Variants in NMRK1 observed in about 807,000 individuals in gnomAD.
NMRK1 encodes NRK 1.
A neutral mutation model predicts 29.9 loss-of-function variants in NMRK1; 28 were observed. That is an observed-to-expected ratio of 0.94 (90% CI 0.69 to 1.28). NMRK1 has a LOEUF of 1.28. Ranked by LOEUF, NMRK1 falls within the 50% of genes most tolerant of loss-of-function variation. The probability of loss-of-function intolerance (pLI) is 0.00; values close to 1 mark genes in which losing one functional copy is unlikely to be tolerated. For missense variants in NMRK1, 218 were observed against 233.1 expected, an observed-to-expected ratio of 0.94 and a Z score of 0.42; for synonymous variants, 58 against 73.0, an observed-to-expected ratio of 0.79 and a Z score of 1.05.
chr9:75,071,739 A>AGAGG (rs1823711033), intron 4 of NMRK1, among the ~76,000 whole-genome samples: 1 of 152,160 alleles, frequency 6.6e-6, no homozygotes, highest in South Asian at 2.1e-4. Flanking sequence ...CATTGTGAGA[A>AGAGG]GAGGGCGTCA....
intron 4 of NMRK1, among the ~76,000 whole-genome samples, chr9:75,070,308 A>G (rs1823627211): frequency 6.6e-6 from 1 of 152,200 alleles, no homozygotes; most frequent in African/African-American, 2.4e-5. Context: ...CAGCTCTGAT[A>G]ATCAGAAACC....
At chr9:75,074,530 G>A (rs1429227070) in intron 4 of NMRK1, among the ~76,000 whole-genome samples, 5 of 151,930 alleles carry the variant, frequency 3.3e-5, no homozygotes, top group Admixed American at 6.6e-5. Context: ...GGGACCACAG[G>A]TGCGCACCAC....
At chr9:75,061,712 T>C (rs879429295) in intron 8 of NMRK1, 145 bp from the exon 9 acceptor site, 5 of 647,864 alleles carry the variant, frequency 7.7e-6, no homozygotes, top group South Asian at 1.9e-5. Context: ...AAGAACTAAA[T>C]TGAGTCCAAG....
chr9:75,062,687 A>G (rs1823092022), intron 8 of NMRK1, among the ~76,000 whole-genome samples: 1 of 152,192 alleles, frequency 6.6e-6, no homozygotes, highest in South Asian at 2.1e-4. Context: ...TGTTAACACT[A>G]ATGATTGGAG....
intron 6 of NMRK1, 96 bp from the exon 7 acceptor site, chr9:75,069,198 C>G (rs1823549746): frequency 1.5e-5 from 13 of 844,636 alleles, no homozygotes; most frequent in Non-Finnish European, 2.5e-5. Flanking sequence ...CACTCAGAGG[C>G]TGAATCTAAA....
intron 4 of NMRK1, among the ~76,000 whole-genome samples, chr9:75,070,671 T>C (rs530186308): frequency 1.3e-5 from 2 of 152,336 alleles, no homozygotes; most frequent in African/African-American, 4.8e-5. Context: ...TTGTCAGAAA[T>C]GCAAATTCTC....
At chr9:75,068,076 C>T (rs1823469576) in intron 7 of NMRK1, among the ~76,000 whole-genome samples, 1 of 152,176 alleles carries the variant, frequency 6.6e-6, no homozygotes, top group Non-Finnish European at 1.5e-5. Flanking sequence ...TCCTCCCTTA[C>T]AGGTCTGCAA....
chr9:75,064,930 T>C (rs959239118), intron 8 of NMRK1, among the ~76,000 whole-genome samples: 1 of 152,228 alleles, frequency 6.6e-6, no homozygotes. Flanking sequence ...TACAGTTTTG[T>C]CCCTTAAGCA....
intron 6 of NMRK1, 118 bp from the exon 7 acceptor site, chr9:75,069,220 C>T: frequency 1.6e-6 from 1 of 630,476 alleles, no homozygotes. Context: ...AGGATTAGGA[C>T]TACATGTACT....
At chr9:75,063,336 T>A (rs1587350856) in intron 8 of NMRK1, among the ~76,000 whole-genome samples, 4 of 144,220 alleles carry the variant, frequency 2.8e-5, no homozygotes, top group African/African-American at 5.1e-5. Context: ...AAAAAAAGAC[T>A]CCATATGAGA....
At chr9:75,082,645 G>T (rs1383031322) in intron 2 of NMRK1, 1 of 162,246 alleles carries the variant, frequency 6.2e-6, no homozygotes, top group Non-Finnish European at 1.3e-5. Flanking sequence ...GGCAACATGG[G>T]ACATAAGGCC....
At chr9:75,078,379 G>A in intron 2 of NMRK1, 1 of 1,568,520 alleles carries the variant, frequency 6.4e-7, no homozygotes, top group Non-Finnish European at 8.7e-7. Context: ...CTCTCCACCT[G>A]GGGGCCAGCT....
At chr9:75,076,660 G>A (rs756446216) in intron 4 of NMRK1, among the ~76,000 whole-genome samples, 6 of 152,062 alleles carry the variant, frequency 3.9e-5, no homozygotes, top group South Asian at 2.1e-4. Context: ...GTGCGATCTC[G>A]GTTCACTGCA....
rs563628476 is a variant in NMRK1, at chr9:75,079,534, G to A, written c.30-1954C>T. On this transcript the variant is annotated intron_variant, in intron 2 of 8. Coordinates refer to ENST00000361092, the MANE Select transcript of NMRK1 (RefSeq NM_017881.3). Reference sequence around the variant, plus strand: ...TCTCACTGACTTAGCTAAAGCTAATGAGAAATACACACCCCATTTTTGCAC... The same window carrying A: ...TCTCACTGACTTAGCTAAAGCTAATAAGAAATACACACCCCATTTTTGCAC... 1.1e-4 allele frequency among the ~76,000 whole-genome samples: 16 copies of A among 152,310 alleles called. No homozygotes were observed. The South Asian group carries it at 3.3e-3, about 32-fold the overall frequency.
At chr9:75,074,253 G>A (rs921289114) in intron 4 of NMRK1, among the ~76,000 whole-genome samples, 1 of 150,664 alleles carries the variant, frequency 6.6e-6, no homozygotes, top group Admixed American at 6.6e-5. Context: ...GGAGCTTATT[G>A]TTGGCTTAAA....
chr9:75,080,888 G>A (rs1191243726), intron 2 of NMRK1, among the ~76,000 whole-genome samples: 2 of 152,104 alleles, frequency 1.3e-5, no homozygotes, highest in Admixed American at 1.3e-4. Context: ...ATGACTGTAA[G>A]CTTCCTGAGG....
intron 1 of NMRK1, among the ~76,000 whole-genome samples, chr9:75,085,569 G>A (rs1169209121): frequency 4.6e-5 from 7 of 152,018 alleles, no homozygotes; most frequent in African/African-American, 1.4e-4. Flanking sequence ...GTGGTTACAC[G>A]TGTGACCATT....
At chr9:75,077,278 G>A (rs146696375) in intron 3 of NMRK1, 71 bp from the exon 4 acceptor site, 1 of 1,086,856 alleles carries the variant, frequency 9.2e-7, no homozygotes, top group African/African-American at 1.6e-5. Flanking sequence ...GACTAAAAAG[G>A]AGAGAAGTCT....
chr9:75,073,181 C>T (rs1239337565), intron 4 of NMRK1, among the ~76,000 whole-genome samples: 2 of 152,070 alleles, frequency 1.3e-5, no homozygotes, highest in African/African-American at 4.8e-5. Context: ...ACAGGGAGAG[C>T]ACCATGTGGA....
Sources: gnomAD v4.1 joint callset for allele counts (sites outside exome capture counted in the v4.1 genomes callset) on GRCh38, gnomAD v4.1.1 for gene constraint, MANE v1.5 for transcripts, NCBI Gene and HGNC (gene_info 2026-07-23, HGNC 2026-07-21) for gene names.